The following TXNRD3 variants were observed in gnomAD, a reference collection of about 807,000 sequenced individuals.
The protein encoded by TXNRD3 is TXNRD3 neighbor gene protein.
TXNRD3 carries 68 observed loss-of-function variants against 78.2 expected under a neutral mutation model. The ratio of observed to expected loss-of-function variants is 0.87; its 90% CI spans 0.72 to 1.06. TXNRD3 has a LOEUF of 1.06. Among genes scored for constraint, TXNRD3 ranks in the 50% least tolerant of loss-of-function variants. TXNRD3 has a pLI of 0.00. For synonymous variants in TXNRD3, 296 were observed against 300.1 expected (o/e 0.99, Z 0.14); for missense variants, 751 against 809.5 (o/e 0.93, Z 0.88).
intron 10 of TXNRD3, among the ~76,000 whole-genome samples, chr3:126,628,462 A>G (rs770557803): frequency 1.2e-4 from 18 of 152,268 alleles, no homozygotes; most frequent in Middle Eastern, 3.4e-3. Context: ...TTTTTCAGTA[A>G]GAGTTTAGCA....
intron 10 of TXNRD3, among the ~76,000 whole-genome samples, chr3:126,627,437 C>T (rs572607017): frequency 6.6e-6 from 1 of 152,266 alleles, no homozygotes; most frequent in South Asian, 2.1e-4. Flanking sequence ...TTTCTGGACT[C>T]ACAGAAATGT....
At chr3:126,626,985 A>G (rs1451931752) in intron 10 of TXNRD3, among the ~76,000 whole-genome samples, 1 of 151,776 alleles carries the variant, frequency 6.6e-6, no homozygotes, top group Non-Finnish European at 1.5e-5. Flanking sequence ...CAACTAGGGA[A>G]GCTGGGTTGG....
intron 6 of TXNRD3, 143 bp from the exon 7 acceptor site, chr3:126,634,194 G>A: frequency 3.0e-6 from 2 of 672,648 alleles, no homozygotes; most frequent in Non-Finnish European, 2.1e-6. Context: ...TTGTATGCCA[G>A]CCATAGTTTA....
chr3:126,621,551 G>C (rs1025853478), intron 12 of TXNRD3, among the ~76,000 whole-genome samples, 191 bp downstream of exon 12: 1 of 152,174 alleles, frequency 6.6e-6, no homozygotes, highest in Non-Finnish European at 1.5e-5. Context: ...GTATCACCCA[G>C]CACAACATCT....
rs180954033 is a variant in TXNRD3, at chr3:126,646,759, G to T, written c.304+477C>A. 7.2e-5 allele frequency among the ~76,000 whole-genome samples: 11 copies of T among 152,256 alleles called. No individual in the cohort carries two copies. In the East Asian group the frequency reaches 1.9e-3, roughly 27 times the overall value. Reference sequence around the variant, plus strand: ...TTCTATGAAGGCAGAAATCAAACTTGTTCTGTTCATCACCATGCCCTCACC... The same window carrying T: ...TTCTATGAAGGCAGAAATCAAACTTTTTCTGTTCATCACCATGCCCTCACC... On this transcript the variant is annotated intron_variant, in intron 2 of 15. Coordinates refer to ENST00000524230, the MANE Select transcript of TXNRD3 (RefSeq NM_052883.3).
At chr3:126,619,431 A>G (rs1938392012) in intron 12 of TXNRD3, among the ~76,000 whole-genome samples, 1 of 152,224 alleles carries the variant, frequency 6.6e-6, no homozygotes, top group Non-Finnish European at 1.5e-5. Flanking sequence ...CCTGGAAGAC[A>G]TTGTATTAAG....
chr3:126,614,483 G>C (rs1938267703), intron 13 of TXNRD3, among the ~76,000 whole-genome samples: 1 of 151,962 alleles, frequency 6.6e-6, no homozygotes, highest in Non-Finnish European at 1.5e-5. Flanking sequence ...AATTTTCCAA[G>C]ACCCACATAA....
chr3:126,636,648 G>A (rs748244821), intron 6 of TXNRD3, among the ~76,000 whole-genome samples: 8 of 152,240 alleles, frequency 5.3e-5, no homozygotes, highest in Non-Finnish European at 1.0e-4. Context: ...ACTCACATTT[G>A]TTCCTTCAAG....
chr3:126,651,130 T>C (rs1366935110), intron 1 of TXNRD3, among the ~76,000 whole-genome samples: 1 of 152,198 alleles, frequency 6.6e-6, no homozygotes, highest in Admixed American at 6.5e-5. Context: ...TGGTGTCTAA[T>C]TTTGGGGGAT....
At position 126,633,903 on chromosome 3, in the gene TXNRD3, C is replaced by A; in HGVS notation, c.855+6G>T. On this transcript the variant is annotated splice_donor_region_variant and intron_variant, in intron 7 of 15. Coordinates refer to ENST00000524230, the MANE Select transcript of TXNRD3 (RefSeq NM_052883.3). Reference sequence around the variant, plus strand: ...AGATGAACAAGACAAGAAACTCAAGCACTACCTTTATTTTATGATGTTCAA... The same window carrying A: ...AGATGAACAAGACAAGAAACTCAAGAACTACCTTTATTTTATGATGTTCAA... The A allele has an allele frequency of 2.0e-6, 3 of 1,476,538 alleles. No homozygotes were observed. The highest frequency in any genetic ancestry group is 1.8e-4 in the Middle Eastern group (1 of 5,702). 91.5% of individuals were successfully genotyped at this position (1,476,538 alleles called of 1,614,324 possible). A position where few individuals can be genotyped will look rare whatever the true frequency, so the allele number is the denominator to read the frequency against.
chr3:126,616,857 T>A lies in TXNRD3; in HGVS notation c.1525-1395A>T, dbSNP rs1442543833. 2.0e-5 allele frequency among the ~76,000 whole-genome samples: 3 copies of A among 152,198 alleles called. No homozygotes were observed. The East Asian group carries it at 5.8e-4, about 29-fold the overall frequency. On this transcript the variant is annotated intron_variant, in intron 12 of 15. Transcript: ENST00000524230. ...TATCCATCAGCCTAGATTCTTACAC[T>A]CTCATGCCACTTCATATTTGCCTAC... is the stretch of plus-strand genomic sequence containing the variant.
In TXNRD3 at chr3:126,624,569, C is replaced by T. The variant is rs145746216; in HGVS notation, c.1291-2029G>A. 1.1e-3 allele frequency among the ~76,000 whole-genome samples: 171 copies of T among 152,110 alleles called. 1 individual carries two copies. The highest frequency in any genetic ancestry group is 3.6e-3 in the African/African-American group (148 of 41,486). On this transcript the variant is annotated intron_variant, in intron 10 of 15. Coordinates refer to ENST00000524230, the MANE Select transcript of TXNRD3 (RefSeq NM_052883.3). ...CTGAGTAGCTGGAACTACAGGCGCC[C>T]GCCACCATGACCGGCTAATTTTTTT...
chr3:126,629,581 C>A, intron 9 of TXNRD3, 110 bp from the exon 10 acceptor site: 1 of 750,582 alleles, frequency 1.3e-6, no homozygotes, highest in Non-Finnish European at 2.1e-6. Context: ...GGTGGTGGTA[C>A]ATATAATAGG....
chr3:126,618,054 G>A (rs1345397546), intron 12 of TXNRD3, among the ~76,000 whole-genome samples: 1 of 152,124 alleles, frequency 6.6e-6, no homozygotes, highest in Non-Finnish European at 1.5e-5. Flanking sequence ...GCAAAACACT[G>A]GTGAAAGAAA....
chr3:126,629,530 A>T, intron 9 of TXNRD3, 59 bp from the exon 10 acceptor site: 1 of 1,326,726 alleles, frequency 7.5e-7, no homozygotes, highest in Non-Finnish European at 1.0e-6. Flanking sequence ...GAAATACACG[A>T]AAGGGTCTAC....
At position 126,618,044 on chromosome 3, in the gene TXNRD3, G is replaced by T. The variant is rs548282311; in HGVS notation, c.1525-2582C>A. Among the ~76,000 whole-genome samples, 372 of 152,188 alleles carry T rather than the reference G, an allele frequency of 2.4e-3. 6 individuals are homozygous for T. Among genetic ancestry groups the T allele is most frequent in the Non-Finnish European group, 4.5e-3 (307 of 67,976 alleles). On this transcript the variant is annotated intron_variant, in intron 12 of 15. Transcript: ENST00000524230. Reference sequence around the variant, plus strand: ...GTGAAACCACTCTACAATGAAAACTGCAAAACACTGGTGAAAGAAACTGAA... The same window carrying T: ...GTGAAACCACTCTACAATGAAAACTTCAAAACACTGGTGAAAGAAACTGAA...
Position 126,611,029 on chromosome 3 carries a change from T to C in TXNRD3, c.1728+8A>G. On this transcript the variant is annotated splice_region_variant and intron_variant, in intron 14 of 15. Coordinates refer to ENST00000524230, the MANE Select transcript of TXNRD3 (RefSeq NM_052883.3). ...CACAGCATTTTGGCTTCTAGTGGTA[T>C]TACATACATGGTCGAATTTATTGCA... is the stretch of plus-strand genomic sequence containing the variant. 4 of 1,456,700 alleles carry C rather than the reference T, an allele frequency of 2.7e-6. No homozygotes were observed. Among genetic ancestry groups the C allele is most frequent in the Non-Finnish European group, 3.7e-6 (4 of 1,095,604 alleles). The allele number at this position is 1,456,700 out of a possible 1,614,324, so 90.2% of individuals were successfully genotyped here.
chr3:126,618,769 A>AAG (rs1938374302), intron 12 of TXNRD3, among the ~76,000 whole-genome samples: 1 of 152,084 alleles, frequency 6.6e-6, no homozygotes, highest in South Asian at 2.1e-4. Flanking sequence ...CAACAGAGTA[A>AAG]AGAGACAACT....
chr3:126,634,772 A>G (rs966365141), intron 6 of TXNRD3, among the ~76,000 whole-genome samples: 42 of 152,178 alleles, frequency 2.8e-4, no homozygotes, highest in African/African-American at 9.9e-4. Flanking sequence ...GGCTTTCATC[A>G]TAACTGGATG....
Sources: allele counts gnomAD v4.1 joint callset (sites outside exome capture counted in the v4.1 genomes callset), GRCh38; gene constraint gnomAD v4.1.1; transcripts MANE v1.5; gene names NCBI Gene and HGNC (gene_info 2026-07-23, HGNC 2026-07-21).